Variants in STRADA observed in about 807,000 individuals in gnomAD.
STRADA encodes the protein STE20 related adaptor alpha.
Under a neutral mutation model 55.0 loss-of-function variants are expected in STRADA, and 26 were observed. That is an observed-to-expected ratio of 0.47 (90% CI 0.35 to 0.66). The LOEUF (loss-of-function observed/expected upper bound fraction) is 0.66. STRADA is among the 30% of genes least tolerant of loss of function. The pLI, the probability that STRADA is intolerant of heterozygous loss-of-function variation, is 0.01. For synonymous variants in STRADA, 197 were observed against 210.9 expected (o/e 0.93, Z 0.57); for missense variants, 443 against 549.7 (o/e 0.81, Z 1.94).
chr17:63,721,950 A>G (rs2037351345), intron 4 of STRADA, among the ~76,000 whole-genome samples: 1 of 152,230 alleles, frequency 6.6e-6, no homozygotes, highest in African/African-American at 2.4e-5. Flanking sequence ...ACAAGGAAAC[A>G]GGCAATATTT....
chr17:63,720,514 C>G (rs559834440), intron 4 of STRADA, among the ~76,000 whole-genome samples: 26 of 151,846 alleles, frequency 1.7e-4, no homozygotes, highest in Non-Finnish European at 3.1e-4. Context: ...GTGGCTCACA[C>G]CTGTAATCCC....
intron 6 of STRADA, 31 bp from the exon 7 acceptor site, chr17:63,710,867 C>T: frequency 6.3e-7 from 1 of 1,596,778 alleles, no homozygotes; most frequent in Non-Finnish European, 8.6e-7. Context: ...GAAGTCAGAA[C>T]CAAATGGCAC....
chr17:63,720,643 G>T (rs1197971792), intron 4 of STRADA, among the ~76,000 whole-genome samples: 2 of 151,734 alleles, frequency 1.3e-5, no homozygotes, highest in African/African-American at 4.8e-5. Context: ...GCATGGCAGC[G>T]GGCACCTGCA....
chr17:63,730,699 G>A (rs912850380), intron 1 of STRADA, among the ~76,000 whole-genome samples: 2 of 152,000 alleles, frequency 1.3e-5, no homozygotes, highest in African/African-American at 4.8e-5. Flanking sequence ...TGGGACTATA[G>A]GTACGCGCAC....
At chr17:63,720,476 GA>G (rs1240206716) in intron 4 of STRADA, among the ~76,000 whole-genome samples, 2 of 151,786 alleles carry the variant, frequency 1.3e-5, no homozygotes, top group African/African-American at 4.8e-5. Flanking sequence ...CTGGCCTTTA[GA>G]AAATAAAGTT....
In STRADA at chr17:63,703,689, A is replaced by G. The variant is rs186453911; in HGVS notation, c.1206T>C (p.Asn402=). 3.1e-6 allele frequency: 5 copies of G among 1,614,098 alleles called. No individual in the cohort carries two copies. The Admixed American group carries it at 8.3e-5, about 27-fold the overall frequency. ...GGTCCTGAGACTGGCTGCCCTCAAA[A>G]TTGGTGATGGGGGTGACAGGACGAA... The part of the protein sequence containing the change: ...ELLRPVTPIT[N]FEGSQSQDHS... Residue 402 remains asparagine (N), a synonymous_variant, in exon 13 of 13, where the codon AAT becomes AAC. Transcript: ENST00000336174.
At chr17:63,719,525 C>T (rs1023294081) in intron 4 of STRADA, among the ~76,000 whole-genome samples, 1 of 151,906 alleles carries the variant, frequency 6.6e-6, no homozygotes, top group Non-Finnish European at 1.5e-5. Flanking sequence ...GCTCTATCGC[C>T]CAGGCTGGAG....
At chr17:63,715,014 C>T (rs979060772) in intron 4 of STRADA, among the ~76,000 whole-genome samples, 3 of 152,190 alleles carry the variant, frequency 2.0e-5, no homozygotes, top group South Asian at 2.1e-4. Flanking sequence ...TGGGCCAGCT[C>T]ATGTTTCATG....
At chr17:63,711,377 G>T (rs1178550393) in intron 6 of STRADA, among the ~76,000 whole-genome samples, 1 of 151,974 alleles carries the variant, frequency 6.6e-6, no homozygotes, top group Non-Finnish European at 1.5e-5. Flanking sequence ...TTGAGACAGG[G>T]TCTTGCTCTG....
intron 6 of STRADA, among the ~76,000 whole-genome samples, chr17:63,711,352 TTC>T (rs1446017427): frequency 6.6e-6 from 1 of 151,970 alleles, no homozygotes; most frequent in Non-Finnish European, 1.5e-5. Flanking sequence ...CAAAAATGTT[TTC>T]TTTTTTATTT....
At chr17:63,704,260 G>C (rs2035916008) in intron 11 of STRADA, 81 bp downstream of exon 11, 2 of 1,578,412 alleles carry the variant, frequency 1.3e-6, no homozygotes, top group African/African-American at 1.3e-5. Flanking sequence ...CCTTTGGGAG[G>C]TAAGTCCCTT....
chr17:63,733,197 A>T (rs931093990), intron 1 of STRADA, among the ~76,000 whole-genome samples: 3 of 152,218 alleles, frequency 2.0e-5, no homozygotes, highest in Admixed American at 2.0e-4. Flanking sequence ...CAATGGGCAC[A>T]AGCTAGACAC....
intron 9 of STRADA, 43 bp downstream of exon 9, chr17:63,707,203 AT>A (rs2036153102): frequency 6.2e-7 from 1 of 1,603,690 alleles, no homozygotes. Flanking sequence ...TCCCTTGGGA[AT>A]CATGAGTTGG....
intron 10 of STRADA, chr17:63,705,146 G>C: frequency 1.7e-6 from 1 of 597,028 alleles, no homozygotes; most frequent in Non-Finnish European, 3.0e-6. Context: ...CCTCGTGGAA[G>C]TCCTCATGAC....
chr17:63,705,052 G>T (rs2035991073), intron 10 of STRADA: 1 of 817,814 alleles, frequency 1.2e-6, no homozygotes, highest in Non-Finnish European at 2.0e-6. Context: ...GGAGCAAGAT[G>T]CCCAAGGGGA....
intron 4 of STRADA, among the ~76,000 whole-genome samples, chr17:63,722,298 A>C (rs1300280763): frequency 6.6e-6 from 1 of 152,266 alleles, no homozygotes. Flanking sequence ...AAAATACAGT[A>C]AAGCACACAA....
In STRADA at chr17:63,709,305, G is replaced by A. The variant is rs527537235; in HGVS notation, c.581+1186C>T. 1.3e-3 allele frequency among the ~76,000 whole-genome samples: 201 copies of A among 152,336 alleles called. 1 individual carries two copies. The highest frequency in any genetic ancestry group is 2.4e-3 in the Non-Finnish European group (162 of 68,032). ...CTCCCAACCGCTGCCAGTCTCATGT[G>A]TATAAGGTGACATCTTGTTTTTCAT... On this transcript the variant is annotated intron_variant, in intron 8 of 12. Coordinates refer to ENST00000336174, the MANE Select transcript of STRADA (RefSeq NM_001003787.4).
In STRADA at chr17:63,726,694, C is replaced by T. The variant is rs528919447; in HGVS notation, c.38G>A (p.Arg13Gln). 64 of 1,614,020 alleles carry T rather than the reference C, an allele frequency of 4.0e-5. 1 individual carries two copies. The East Asian group carries it at 5.8e-4, about 15-fold the overall frequency. ...AACAATGAACTTTTCCGAGACCCAC[C>T]GCTAAAGAGGAAAACCCCAAAGAGA... ...FLVSKPERIR[R>Q]WVSEKFIVEG... The change falls in exon 3 of 13, where the codon CGG (arginine) becomes CAG (glutamine). Residue 13 changes from arginine to glutamine, a missense_variant and splice_region_variant. Arg to Gln is a conservative substitution (Grantham distance 43, BLOSUM62 1). Coordinates refer to ENST00000336174, the MANE Select transcript of STRADA (RefSeq NM_001003787.4).
intron 8 of STRADA, among the ~76,000 whole-genome samples, chr17:63,708,733 C>T (rs951025628): frequency 5.3e-5 from 8 of 152,046 alleles, no homozygotes; most frequent in Non-Finnish European, 1.2e-4. Flanking sequence ...CAGGGTTTTG[C>T]GATGTTGGCC....
Sources: gnomAD v4.1 joint callset for allele counts (sites outside exome capture counted in the v4.1 genomes callset) on GRCh38, gnomAD v4.1.1 for gene constraint, MANE v1.5 for transcripts, NCBI Gene and HGNC (gene_info 2026-07-23, HGNC 2026-07-21) for gene names.